The following NOL4 variants were observed in gnomAD, a reference collection of about 807,000 sequenced individuals.
NOL4 encodes the protein nucleolar protein 4, also known as cancer/testis antigen 125.
Under a neutral mutation model 75.9 loss-of-function variants are expected in NOL4, and 17 were observed. The ratio of observed to expected loss-of-function variants is 0.22; its 90% confidence interval spans 0.15 to 0.34. The LOEUF (loss-of-function observed/expected upper bound fraction) is 0.34, where lower values mean the gene tolerates loss of function less well. Among genes scored for constraint, NOL4 ranks in the 10% least tolerant of loss-of-function variants. The pLI is 1.00. For missense variants in NOL4, 614 were observed against 793.5 expected, an observed-to-expected ratio of 0.77 and a Z score of 2.72; for synonymous variants, 292 against 289.9, an observed-to-expected ratio of 1.01 and a Z score of -0.07.
At chr18:33,929,113 T>C (rs1223205042) in intron 9 of NOL4, among the ~76,000 whole-genome samples, 1 of 152,188 alleles carries the variant, frequency 6.6e-6, no homozygotes, top group Non-Finnish European at 1.5e-5. Context: ...TCCTACAAAT[T>C]GGGCATAGTC....
chr18:34,008,371 GTCTATCTATCTATCTA>G (rs10656153), intron 6 of NOL4, among the ~76,000 whole-genome samples: 6 of 147,566 alleles, frequency 4.1e-5, no homozygotes, highest in African/African-American at 1.3e-4. Flanking sequence ...CTATCTGTCT[GTCTATCTATCTATCTA>G]TCTATCTATC....
intron 6 of NOL4, among the ~76,000 whole-genome samples, chr18:33,980,266 T>C (rs1209066161): frequency 6.6e-6 from 1 of 151,986 alleles, no homozygotes; most frequent in Admixed American, 6.6e-5. Context: ...GGAAGCTCAG[T>C]GTGATGGACA....
intron 6 of NOL4, among the ~76,000 whole-genome samples, chr18:33,999,607 G>A (rs1029922584): frequency 7.9e-5 from 12 of 152,060 alleles, no homozygotes; most frequent in African/African-American, 1.9e-4. Context: ...GCTGTACAGC[G>A]TTATCTCAGG....
Position 33,852,964 on chromosome 18 carries a change from G to C in NOL4, c.1795C>G (p.Pro599Ala), listed in dbSNP as rs775197471. Residue 599 changes from proline to alanine, a missense_variant, in exon 11 of 11, where the codon CCC (proline) becomes GCC (alanine). Coordinates refer to ENST00000261592, the MANE Select transcript of NOL4 (RefSeq NM_003787.5). ...TTGATTTCAGTTGGACTCAGCTGGG[G>C]TCTGGAGTTTGAGCTGCTGGAGGAT... The part of the protein sequence containing the change: ...SGSSSSSNSR[P>A]QLSPTEINAV... 1 of 1,613,094 alleles carries C rather than the reference G, an allele frequency of 6.2e-7. No homozygotes were observed. Among genetic ancestry groups the C allele is most frequent in the Non-Finnish European group, 8.5e-7 (1 of 1,179,484 alleles).
chr18:34,162,210 T>A (rs1018418339), intron 1 of NOL4, among the ~76,000 whole-genome samples: 1 of 152,040 alleles, frequency 6.6e-6, no homozygotes, highest in Non-Finnish European at 1.5e-5. Context: ...ATTCAAAAGC[T>A]AGCAGAAGGC....
chr18:34,152,745 A>T (rs9949495), intron 1 of NOL4, among the ~76,000 whole-genome samples: 76,215 of 151,508 alleles, frequency 0.5, 19,236 homozygotes, highest in Admixed American at 0.57. Context: ...TATAATCAGA[A>T]AAATTATCGT....
intron 2 of NOL4, among the ~76,000 whole-genome samples, chr18:34,112,659 A>G (rs1159162444): frequency 6.6e-6 from 1 of 152,148 alleles, no homozygotes; most frequent in African/African-American, 2.4e-5. Context: ...AGTCAAACTC[A>G]TAGAAGCTGA....
intron 9 of NOL4, among the ~76,000 whole-genome samples, chr18:33,920,884 G>A: frequency 6.6e-6 from 1 of 152,220 alleles, no homozygotes; most frequent in East Asian, 1.9e-4. Context: ...CAGAGGTTGA[G>A]GCCAGCCAGC....
intron 1 of NOL4, chr18:34,221,005 T>C (rs747742032): frequency 1.6e-4 from 25 of 152,166 alleles, no homozygotes; most frequent in Non-Finnish European, 3.4e-4. Context: ...AACTGACATT[T>C]ATGATGATCT....
intron 1 of NOL4, among the ~76,000 whole-genome samples, chr18:34,155,176 CAT>C (rs375152744): frequency 2.0e-4 from 30 of 150,512 alleles, no homozygotes; most frequent in African/African-American, 5.6e-4. Context: ...AAAAATGTAA[CAT>C]ATATATATAT....
chr18:34,099,628 T>C (rs1269875626), intron 4 of NOL4, among the ~76,000 whole-genome samples: 3 of 152,152 alleles, frequency 2.0e-5, no homozygotes, highest in Admixed American at 6.6e-5. Context: ...GCATGTATTC[T>C]AGTATTCCGA....
intron 6 of NOL4, among the ~76,000 whole-genome samples, chr18:33,992,634 G>A (rs140536263): frequency 7.2e-5 from 11 of 152,128 alleles, no homozygotes; most frequent in African/African-American, 9.6e-5. Flanking sequence ...CTACCAGTAA[G>A]AGGGCTATCT....
chr18:33,863,550 G>C (rs1270599213), intron 10 of NOL4, among the ~76,000 whole-genome samples: 1 of 152,174 alleles, frequency 6.6e-6, no homozygotes, highest in African/African-American at 2.4e-5. Flanking sequence ...AAACCCAGTT[G>C]GGCAGTCATG....
intron 6 of NOL4, among the ~76,000 whole-genome samples, chr18:34,002,010 G>C (rs1413974932): frequency 6.6e-6 from 1 of 152,076 alleles, no homozygotes; most frequent in East Asian, 1.9e-4. Context: ...ACCTACCTTA[G>C]TGACTTGTAG....
chr18:33,887,054 T>TATATAG (rs2064765224), intron 9 of NOL4, among the ~76,000 whole-genome samples: 1 of 140,572 alleles, frequency 7.1e-6, no homozygotes, highest in Non-Finnish European at 1.5e-5. Flanking sequence ...AGATCTAATA[T>TATATAG]ATATCTATAT....
intron 9 of NOL4, among the ~76,000 whole-genome samples, chr18:33,921,084 G>A (rs2067009717): frequency 6.6e-6 from 1 of 152,016 alleles, no homozygotes; most frequent in Non-Finnish European, 1.5e-5. Context: ...TTTCCCTTTG[G>A]GATGGAAATG....
chr18:33,860,971 C>T (rs969685969), intron 10 of NOL4, among the ~76,000 whole-genome samples: 7 of 152,122 alleles, frequency 4.6e-5, no homozygotes, highest in South Asian at 2.1e-4. Context: ...GACTTGCATC[C>T]GAGGGATGAA....
intron 5 of NOL4, among the ~76,000 whole-genome samples, chr18:34,069,063 C>A (rs961987070): frequency 6.6e-6 from 1 of 151,856 alleles, no homozygotes. Flanking sequence ...GAATAAGACC[C>A]ATGTATAACT....
intron 1 of NOL4, among the ~76,000 whole-genome samples, chr18:34,189,998 T>TAC (rs1016853806): frequency 9.3e-5 from 14 of 150,252 alleles, no homozygotes; most frequent in African/African-American, 1.9e-4. Context: ...TATATATATA[T>TAC]ACACACATAT....
Sources: allele counts gnomAD v4.1 joint callset (sites outside exome capture counted in the v4.1 genomes callset), GRCh38; gene constraint gnomAD v4.1.1; transcripts MANE v1.5; gene names NCBI Gene and HGNC (gene_info 2026-07-23, HGNC 2026-07-21).